KIAA1217: variants seen among roughly 807,000 people sequenced by gnomAD.
KIAA1217 encodes the protein KIAA1217.
A neutral mutation model predicts 163.9 loss-of-function variants in KIAA1217; 88 were observed. The observed-to-expected ratio is 0.54, with a 90% CI of 0.45 to 0.64. KIAA1217 has a LOEUF of 0.64. KIAA1217 is among the 30% of genes least tolerant of loss of function. KIAA1217 has a pLI of 0.00. For missense variants in KIAA1217, 2,372 were observed against 2,475.0 expected (o/e 0.96, Z 0.88); for synonymous variants, 903 against 923.1 (o/e 0.98, Z 0.39).
chr10:24,378,571 G>T (rs1251623221), intron 2 of KIAA1217, among the ~76,000 whole-genome samples: 1 of 151,704 alleles, frequency 6.6e-6, no homozygotes, highest in African/African-American at 2.4e-5. Flanking sequence ...ACGAGCTCAA[G>T]AACTTTTATC....
chr10:24,489,291 T>A (rs2065801689), intron 6 of KIAA1217, among the ~76,000 whole-genome samples: 1 of 151,870 alleles, frequency 6.6e-6, no homozygotes, highest in South Asian at 2.1e-4. Flanking sequence ...AATCATCCCC[T>A]AACTGGTTAG....
chr10:24,444,096 T>C (rs142133331), intron 5 of KIAA1217, among the ~76,000 whole-genome samples: 12,807 of 152,116 alleles, frequency 0.084, 649 homozygotes, highest in East Asian at 0.17. Flanking sequence ...CTGCAACCTC[T>C]GCCTCCCGTG....
chr10:24,268,394 C>T (rs2076439567), intron 2 of KIAA1217, among the ~76,000 whole-genome samples: 1 of 151,958 alleles, frequency 6.6e-6, no homozygotes, highest in Non-Finnish European at 1.5e-5. Flanking sequence ...AAAAAGTGGG[C>T]AAAGGACATG....
At chr10:24,309,348 G>GCA (rs1249615764) in intron 2 of KIAA1217, among the ~76,000 whole-genome samples, 3 of 125,470 alleles carry the variant, frequency 2.4e-5, no homozygotes, top group African/African-American at 5.8e-5. Context: ...GCACGCGCGC[G>GCA]CGCACACACA....
At chr10:23,777,974 A>G (rs1162553044) in intron 1 of KIAA1217, among the ~76,000 whole-genome samples, 3 of 150,086 alleles carry the variant, frequency 2.0e-5, no homozygotes, top group East Asian at 3.9e-4. Flanking sequence ...ATAGAGTCTC[A>G]CTCTGTCACC....
At chr10:24,404,426 G>C (rs1471359310) in intron 3 of KIAA1217, among the ~76,000 whole-genome samples, 1 of 152,014 alleles carries the variant, frequency 6.6e-6, no homozygotes, top group Admixed American at 6.5e-5. Context: ...AATCAGCCAG[G>C]CATGGTGGTG....
At chr10:23,983,649 T>C (rs987878641) in intron 1 of KIAA1217, among the ~76,000 whole-genome samples, 4 of 152,170 alleles carry the variant, frequency 2.6e-5, no homozygotes, top group African/African-American at 4.8e-5. Flanking sequence ...TCTTCCAACA[T>C]TGGGGATTAC....
At chr10:24,158,703 A>G (rs974084831) in intron 2 of KIAA1217, 1 of 507,848 alleles carries the variant, frequency 2.0e-6, no homozygotes, top group Non-Finnish European at 4.0e-6. Context: ...TTGCTACAGC[A>G]TACAAAGATT....
At chr10:24,330,015 A>C (rs2045452380) in intron 2 of KIAA1217, among the ~76,000 whole-genome samples, 1 of 152,110 alleles carries the variant, frequency 6.6e-6, no homozygotes, top group East Asian at 1.9e-4. Flanking sequence ...AATAAGCAGA[A>C]ACGGCTGGGC....
chr10:24,400,189 A>T (rs2056359576), intron 3 of KIAA1217, among the ~76,000 whole-genome samples: 1 of 152,202 alleles, frequency 6.6e-6, no homozygotes, highest in Non-Finnish European at 1.5e-5. Context: ...AGAAAAAAAA[A>T]TTATCTGGGA....
intron 1 of KIAA1217, among the ~76,000 whole-genome samples, chr10:24,006,813 G>T (rs1322361250): frequency 2.0e-5 from 3 of 152,156 alleles, no homozygotes; most frequent in Non-Finnish European, 4.4e-5. Context: ...AGCCACTGCA[G>T]CTGCACATCA....
chr10:24,232,129 G>A (rs543657902), intron 2 of KIAA1217, among the ~76,000 whole-genome samples: 25 of 152,330 alleles, frequency 1.6e-4, no homozygotes, highest in African/African-American at 5.3e-4. Context: ...CTCAAAGGTC[G>A]TTGAAGTACA....
intron 5 of KIAA1217, among the ~76,000 whole-genome samples, chr10:24,471,996 G>A (rs113048073): frequency 6.6e-6 from 1 of 151,924 alleles, no homozygotes; most frequent in East Asian, 1.9e-4. Flanking sequence ...TTGAATGGTC[G>A]ATTAACGCAT....
chr10:24,027,470 T>C (rs185389082), intron 2 of KIAA1217, among the ~76,000 whole-genome samples: 13 of 152,266 alleles, frequency 8.5e-5, no homozygotes, highest in Admixed American at 2.6e-4. Context: ...CAAAAACTAT[T>C]TAAAGTCATA....
At chr10:24,367,917 G>A (rs921765265) in intron 2 of KIAA1217, among the ~76,000 whole-genome samples, 14 of 152,104 alleles carry the variant, frequency 9.2e-5, no homozygotes, top group African/African-American at 3.4e-4. Context: ...GGAAATGTTC[G>A]GCCATCTGGC....
At chr10:24,240,191 G>A (rs1239127766) in intron 2 of KIAA1217, among the ~76,000 whole-genome samples, 2 of 152,150 alleles carry the variant, frequency 1.3e-5, no homozygotes, top group East Asian at 3.9e-4. Context: ...TAGCTGAAAG[G>A]GGTTAGTTCA....
At chr10:23,912,764 C>T (rs1044790187) in intron 1 of KIAA1217, among the ~76,000 whole-genome samples, 3 of 152,104 alleles carry the variant, frequency 2.0e-5, no homozygotes, top group African/African-American at 7.2e-5. Flanking sequence ...TAATCATTTG[C>T]CTTTCAATGA....
intron 2 of KIAA1217, among the ~76,000 whole-genome samples, chr10:24,083,450 A>G (rs986967823): frequency 9.2e-5 from 14 of 152,366 alleles, no homozygotes; most frequent in Middle Eastern, 3.4e-3. Context: ...AAAAAGTGCA[A>G]TTACATAAAA....
chr10:24,271,322 T>C (rs1300909578), intron 2 of KIAA1217, among the ~76,000 whole-genome samples: 2 of 152,170 alleles, frequency 1.3e-5, no homozygotes, highest in Non-Finnish European at 2.9e-5. Context: ...TTCATGGTCA[T>C]ATATATTGAA....
Sources: gnomAD v4.1 joint callset for allele counts (sites outside exome capture counted in the v4.1 genomes callset) on GRCh38, gnomAD v4.1.1 for gene constraint, MANE v1.5 for transcripts, NCBI Gene and HGNC (gene_info 2026-07-23, HGNC 2026-07-21) for gene names.